The following KCNIP4 variants were observed in gnomAD, a reference collection of about 807,000 sequenced individuals.
KCNIP4 encodes potassium voltage-gated channel interacting protein 4, also known as Kv channel-interacting protein 4.
A neutral mutation model predicts 34.0 loss-of-function variants in KCNIP4; 12 were observed. The observed-to-expected ratio is 0.35, with a 90% CI of 0.23 to 0.57. KCNIP4 has a LOEUF of 0.57. KCNIP4 is among the 20% of genes least tolerant of loss of function. The probability of loss-of-function intolerance (pLI) is 0.83; values close to 1 mark genes in which losing one functional copy is unlikely to be tolerated. For missense variants in KCNIP4, 238 were observed against 311.7 expected (o/e 0.76, Z 1.78); for synonymous variants, 124 against 102.2 (o/e 1.21, Z -1.29).
chr4:21,637,183 C>A (rs949155689), intron 1 of KCNIP4, among the ~76,000 whole-genome samples: 2 of 152,118 alleles, frequency 1.3e-5, no homozygotes, highest in African/African-American at 2.4e-5. Context: ...ATGTCAAACA[C>A]TTGGCACTTT....
intron 1 of KCNIP4, among the ~76,000 whole-genome samples, chr4:21,334,081 T>A (rs1455942369): frequency 4.6e-5 from 7 of 152,086 alleles, no homozygotes; most frequent in African/African-American, 9.7e-5. Flanking sequence ...TCTTTTTTTT[T>A]AAATCCAATA....
At position 20,989,948 on chromosome 4, in the gene KCNIP4, C is replaced by A. The variant is rs776928033; in HGVS notation, c.62-107239G>T. ...CTCCAGCCTGGGCAACAGAATGAGACCCTGTCTCAAAAACAAAACAAAAAC... is the reference window on the plus strand; with the variant it reads ...CTCCAGCCTGGGCAACAGAATGAGAACCTGTCTCAAAAACAAAACAAAAAC... On this transcript the variant is annotated intron_variant, in intron 1 of 8. Coordinates refer to ENST00000382152, the MANE Select transcript of KCNIP4 (RefSeq NM_025221.6). Among the ~76,000 whole-genome samples the A allele has an allele frequency of 5.7e-4, 87 of 152,130 alleles. 1 individual carries two copies. Among genetic ancestry groups the A allele is most frequent in the Non-Finnish European group, 6.5e-4 (44 of 68,018 alleles).
At chr4:21,881,204 T>C (rs1726439172) in intron 1 of KCNIP4, among the ~76,000 whole-genome samples, 1 of 152,172 alleles carries the variant, frequency 6.6e-6, no homozygotes, top group Non-Finnish European at 1.5e-5. Context: ...CTTATGGATA[T>C]GGCTGTCATT....
chr4:21,104,382 C>A (rs1221040363), intron 1 of KCNIP4, among the ~76,000 whole-genome samples: 1 of 152,090 alleles, frequency 6.6e-6, no homozygotes, highest in African/African-American at 2.4e-5. Flanking sequence ...GTTGGCTGCA[C>A]AAATGTCTTC....
In KCNIP4 at chr4:20,902,476, G is replaced by A. The variant is rs1727254865; in HGVS notation, c.62-19767C>T. On this transcript the variant is annotated intron_variant, in intron 1 of 8. Coordinates refer to ENST00000382152, the MANE Select transcript of KCNIP4 (RefSeq NM_025221.6). ...CCAGCCAGCAAGGTATTAGGTTGGT[G>A]CAAAAGTGATTAGTATTGCACCAGC... Among the ~76,000 whole-genome samples the A allele has an allele frequency of 1.3e-5, 2 of 152,138 alleles. 1 individual carries two copies. The highest frequency in any genetic ancestry group is 4.1e-4 in the South Asian group (2 of 4,822).
At chr4:21,587,302 C>T (rs1741702306) in intron 1 of KCNIP4, among the ~76,000 whole-genome samples, 2 of 152,014 alleles carry the variant, frequency 1.3e-5, no homozygotes, top group Non-Finnish European at 2.9e-5. Flanking sequence ...AATTCCTGAC[C>T]TATCTCCTGA....
At chr4:21,547,858 T>C (rs1411275980) in intron 1 of KCNIP4, among the ~76,000 whole-genome samples, 1 of 148,974 alleles carries the variant, frequency 6.7e-6, no homozygotes, top group African/African-American at 2.5e-5. Context: ...CTTATACGTA[T>C]AGCCTGAAGG....
At chr4:21,491,377 C>T (rs1034702227) in intron 1 of KCNIP4, among the ~76,000 whole-genome samples, 2 of 151,954 alleles carry the variant, frequency 1.3e-5, no homozygotes, top group African/African-American at 4.8e-5. Flanking sequence ...TGAAATGCCA[C>T]TTGTTTTTTG....
chr4:21,703,909 T>A (rs1447836021), intron 1 of KCNIP4, among the ~76,000 whole-genome samples: 4 of 152,130 alleles, frequency 2.6e-5, no homozygotes, highest in Non-Finnish European at 4.4e-5. Flanking sequence ...TGAAATCAGG[T>A]AGAATGACTT....
At chr4:21,658,504 C>T (rs1051142827) in intron 1 of KCNIP4, among the ~76,000 whole-genome samples, 1 of 152,166 alleles carries the variant, frequency 6.6e-6, no homozygotes, top group Non-Finnish European at 1.5e-5. Flanking sequence ...CAACCTCCAC[C>T]TCCTGGGTTC....
chr4:21,504,476 AAAGAAAGAAAGAAAG>A (rs1733650583), intron 1 of KCNIP4, among the ~76,000 whole-genome samples: 1 of 91,522 alleles, frequency 1.1e-5, no homozygotes, highest in African/African-American at 4.6e-5. Context: ...AAAAAAAAAA[AAAGAAAGAAAGAAAG>A]AAAGAAAGAA....
At chr4:21,929,249 C>T (rs1187796875) in intron 1 of KCNIP4, among the ~76,000 whole-genome samples, 4 of 151,884 alleles carry the variant, frequency 2.6e-5, no homozygotes, top group Admixed American at 1.3e-4. Flanking sequence ...AGAGGAGAGG[C>T]GATTAAAAAG....
At chr4:21,308,788 C>T (rs1290038111) in intron 1 of KCNIP4, among the ~76,000 whole-genome samples, 1 of 151,580 alleles carries the variant, frequency 6.6e-6, no homozygotes, top group Non-Finnish European at 1.5e-5. Flanking sequence ...ACTGTTGTGA[C>T]AGTTTGCCAA....
intron 1 of KCNIP4, among the ~76,000 whole-genome samples, chr4:21,261,704 T>C (rs1761482721): frequency 6.6e-6 from 1 of 152,164 alleles, no homozygotes; most frequent in Non-Finnish European, 1.5e-5. Context: ...ACACCTAATC[T>C]ATTAAGTCCT....
At chr4:21,924,922 G>A (rs938016548) in intron 1 of KCNIP4, among the ~76,000 whole-genome samples, 13 of 151,898 alleles carry the variant, frequency 8.6e-5, no homozygotes, top group Admixed American at 3.3e-4. Context: ...GCTCTTAAGC[G>A]AATGTCCTGA....
At chr4:21,172,512 CTTTATTGCTACT>C (rs1465262568) in intron 1 of KCNIP4, among the ~76,000 whole-genome samples, 1 of 152,120 alleles carries the variant, frequency 6.6e-6, no homozygotes, top group African/African-American at 2.4e-5. Flanking sequence ...AAACTTGTGT[CTTTATTGCTACT>C]TTTATTGCCT....
At chr4:21,389,873 C>T (rs1187191760) in intron 1 of KCNIP4, among the ~76,000 whole-genome samples, 1 of 152,020 alleles carries the variant, frequency 6.6e-6, no homozygotes, top group Non-Finnish European at 1.5e-5. Flanking sequence ...TGAGGAATCG[C>T]CACACTGTCT....
At chr4:21,189,969 T>G (rs1755506427) in intron 1 of KCNIP4, among the ~76,000 whole-genome samples, 2 of 152,226 alleles carry the variant, frequency 1.3e-5, no homozygotes, top group South Asian at 4.1e-4. Flanking sequence ...CCTTATACAG[T>G]AGATAACTAT....
chr4:20,747,198 A>G (rs562540189), intron 5 of KCNIP4, among the ~76,000 whole-genome samples: 1 of 152,294 alleles, frequency 6.6e-6, no homozygotes, highest in East Asian at 1.9e-4. Flanking sequence ...CATTAACACC[A>G]TACTAAATTT....
Sources: gnomAD v4.1 joint callset for allele counts (sites outside exome capture counted in the v4.1 genomes callset) on GRCh38, gnomAD v4.1.1 for gene constraint, MANE v1.5 for transcripts, NCBI Gene and HGNC (gene_info 2026-07-23, HGNC 2026-07-21) for gene names.